The following CST8 variants were observed in gnomAD, a reference collection of about 807,000 sequenced individuals.
CST8 encodes the protein cystatin-8.
In CST8, 20 loss-of-function variants were observed where a neutral mutation model predicts 11.8. That is an observed-to-expected ratio of 1.70 (90% CI 1.20 to 2.47). CST8 has a LOEUF of 2.47. Among genes scored for constraint, CST8 ranks in the 30% most tolerant of loss-of-function variants. The pLI is 0.00. For synonymous variants in CST8, 77 were observed against 63.1 expected (o/e 1.22, Z -1.05); for missense variants, 196 against 167.2 (o/e 1.17, Z -0.95).
chr20:23,502,997 T>A, the CST8 span, among the ~76,000 whole-genome samples: 1 of 152,086 alleles, frequency 6.6e-6, no homozygotes. Flanking sequence ...TTAATTACCT[T>A]TTTTTTAAAG....
downstream of CST8, among the ~76,000 whole-genome samples, chr20:23,498,102 A>C (rs969217177): frequency 6.6e-6 from 1 of 152,022 alleles, no homozygotes; most frequent in African/African-American, 2.4e-5. Context: ...CAAGGAGAAG[A>C]GCAGGAGACA....
chr20:23,504,606 T>C, the CST8 span, among the ~76,000 whole-genome samples: 1 of 152,230 alleles, frequency 6.6e-6, no homozygotes, highest in East Asian at 1.9e-4. Context: ...AATGTTTACC[T>C]TGAAAATGTA....
At chr20:23,502,552 T>C in the CST8 span, among the ~76,000 whole-genome samples, 1 of 152,352 alleles carries the variant, frequency 6.6e-6, no homozygotes, top group East Asian at 1.9e-4. Flanking sequence ...CCCTGCTTCC[T>C]GCTGCACATA....
chr20:23,501,759 C>A, the CST8 span, among the ~76,000 whole-genome samples: 1 of 152,056 alleles, frequency 6.6e-6, no homozygotes, highest in East Asian at 1.9e-4. Context: ...CATTTTTGGT[C>A]GTGAACTTAT....
chr20:23,506,910 G>T, the CST8 span, among the ~76,000 whole-genome samples: 1 of 152,206 alleles, frequency 6.6e-6, no homozygotes, highest in African/African-American at 2.4e-5. Flanking sequence ...ACTCGTTAAG[G>T]TTTGGGGTGC....
At chr20:23,493,503 T>G (rs1179342785) in intron 3 of CST8, among the ~76,000 whole-genome samples, 4 of 152,210 alleles carry the variant, frequency 2.6e-5, no homozygotes, top group African/African-American at 9.6e-5. Context: ...CACCAGGTGC[T>G]ACGTGCTTTG....
chr20:23,501,248 C>T, the CST8 span, among the ~76,000 whole-genome samples: 15 of 152,200 alleles, frequency 9.9e-5, no homozygotes, highest in Admixed American at 3.3e-4. Context: ...CAGATAGTAT[C>T]GCCCATTGCT....
At chr20:23,496,851 A>G (rs1051605522), downstream of CST8, among the ~76,000 whole-genome samples, 1 of 152,240 alleles carries the variant, frequency 6.6e-6, no homozygotes, top group African/African-American at 2.4e-5. Flanking sequence ...CTTTTGAAAG[A>G]AGAGAAATAT....
the CST8 span, among the ~76,000 whole-genome samples, chr20:23,504,588 T>G: frequency 1.3e-5 from 2 of 152,246 alleles, no homozygotes; most frequent in Admixed American, 1.3e-4. Context: ...ACTTTATTTA[T>G]AGATATAAAT....
At chr20:23,504,419 A>T in the CST8 span, among the ~76,000 whole-genome samples, 2 of 151,392 alleles carry the variant, frequency 1.3e-5, no homozygotes, top group Non-Finnish European at 2.9e-5. Context: ...GAACAGGAGC[A>T]CTCCTCCCCA....
intron 3 of CST8, among the ~76,000 whole-genome samples, chr20:23,494,723 G>T (rs538735842): frequency 6.6e-6 from 1 of 152,238 alleles, no homozygotes; most frequent in South Asian, 2.1e-4. Flanking sequence ...ATGATATTTT[G>T]AAAGAAAAGC....
At chr20:23,493,515 A>G (rs1438093165) in intron 3 of CST8, among the ~76,000 whole-genome samples, 1 of 152,200 alleles carries the variant, frequency 6.6e-6, no homozygotes, top group Non-Finnish European at 1.5e-5. Context: ...CGTGCTTTGC[A>G]CCAGGTCTAT....
At chr20:23,494,009 T>C (rs1445503605) in intron 3 of CST8, among the ~76,000 whole-genome samples, 2 of 152,182 alleles carry the variant, frequency 1.3e-5, no homozygotes, top group African/African-American at 4.8e-5. Context: ...TGCACTGCCA[T>C]GGCACAGGAA....
Position 23,493,065 on chromosome 20 carries a change from G to A in CST8, c.339G>A (p.Leu113=), listed in dbSNP as rs1181918197. 6.3e-7 allele frequency: 1 copy of A among 1,592,016 alleles called. No homozygotes were observed. The highest frequency in any genetic ancestry group is 1.1e-5 in the South Asian group (1 of 90,628). The part of the protein sequence containing the change: ...EICAIQENSK[L]KRKLSCSFLV... ...GCGCCATTCAAGAAAACTCCAAGCT[G>A]AAAAGGGTAGGTGATGAACCACTCA... The change falls in exon 3 of 4, where the codon CTG becomes CTA. Residue 113 remains leucine, a synonymous_variant. Coordinates refer to ENST00000246012, the MANE Select transcript of CST8 (RefSeq NM_005492.4).
the CST8 span, among the ~76,000 whole-genome samples, chr20:23,505,936 C>G: frequency 6.6e-6 from 1 of 151,984 alleles, no homozygotes; most frequent in Admixed American, 6.6e-5. Context: ...TGTACATTAA[C>G]ATGCAGGACA....
chr20:23,498,580 T>C (rs1418511263), downstream of CST8, among the ~76,000 whole-genome samples: 1 of 152,172 alleles, frequency 6.6e-6, no homozygotes, highest in Non-Finnish European at 1.5e-5. Context: ...CAAGTGGAAC[T>C]TGCCTTGGAA....
chr20:23,492,036 C>T (rs1043048907), intron 2 of CST8, 138 bp downstream of exon 2: 27 of 661,192 alleles, frequency 4.1e-5, no homozygotes, highest in Non-Finnish European at 6.8e-5. Context: ...CTAGACACTT[C>T]CACAGCATCA....
chr20:23,491,921 G>A (rs1220642081), intron 2 of CST8, 23 bp downstream of exon 2: 1 of 1,574,742 alleles, frequency 6.4e-7, no homozygotes, highest in Non-Finnish European at 8.7e-7. Context: ...TTCCATATAG[G>A]TGGACATTTG....
chr20:23,495,775 CTTTTTTT>C (rs11482296), intron 3 of CST8, 49 bp from the exon 4 acceptor site: 24 of 934,120 alleles, frequency 2.6e-5, no homozygotes, highest in East Asian at 8.0e-5. Flanking sequence ...TTTTTCTTTT[CTTTTTTT>C]TTTTTTTTTT....
Sources: gnomAD v4.1 joint callset for allele counts (sites outside exome capture counted in the v4.1 genomes callset) on GRCh38, gnomAD v4.1.1 for gene constraint, MANE v1.5 for transcripts, NCBI Gene and HGNC (gene_info 2026-07-23, HGNC 2026-07-21) for gene names.